The following FGF12 variants were observed in gnomAD, a reference collection of about 807,000 sequenced individuals.
The protein encoded by FGF12 is fibroblast growth factor 12.
In FGF12, 14 loss-of-function variants were observed where a neutral mutation model predicts 23.6. That is an observed-to-expected ratio of 0.59 (90% confidence interval 0.39 to 0.93). The LOEUF (loss-of-function observed/expected upper bound fraction) is 0.93. FGF12 is among the 40% of genes least tolerant of loss of function. The pLI, the probability that FGF12 is intolerant of heterozygous loss-of-function variation, is 0.00. For missense variants in FGF12, 175 were observed against 217.8 expected (o/e 0.80, Z 1.24); for synonymous variants, 62 against 77.3 (o/e 0.80, Z 1.04).
intron 2 of FGF12, among the ~76,000 whole-genome samples, chr3:192,452,754 C>T (rs1018574605): frequency 2.0e-5 from 3 of 152,156 alleles, no homozygotes; most frequent in Admixed American, 6.5e-5. Flanking sequence ...AGTATTGCTC[C>T]GGTCTTTCAG....
chr3:192,315,053 T>C (rs887499870), intron 4 of FGF12, among the ~76,000 whole-genome samples: 2 of 152,226 alleles, frequency 1.3e-5, no homozygotes, highest in Admixed American at 1.3e-4. Flanking sequence ...TTCATTTCAG[T>C]TGTAGCTGGC....
At chr3:192,160,307 C>T (rs1026543630) in intron 5 of FGF12, among the ~76,000 whole-genome samples, 7 of 152,140 alleles carry the variant, frequency 4.6e-5, no homozygotes, top group Non-Finnish European at 1.0e-4. Context: ...TTTCCTTTCT[C>T]TCTAAGTTCA....
chr3:192,655,422 T>C (rs941992222), intron 2 of FGF12, among the ~76,000 whole-genome samples: 7 of 152,304 alleles, frequency 4.6e-5, no homozygotes, highest in Admixed American at 4.6e-4. Context: ...CAGACATCTT[T>C]AGACCATGAC....
chr3:192,327,695 A>C (rs1716893082), intron 4 of FGF12, among the ~76,000 whole-genome samples: 1 of 151,974 alleles, frequency 6.6e-6, no homozygotes, highest in Non-Finnish European at 1.5e-5. Context: ...GACATGTTTC[A>C]AATTATACAA....
intron 4 of FGF12, among the ~76,000 whole-genome samples, chr3:192,314,201 G>A (rs1214002569): frequency 6.6e-6 from 1 of 152,004 alleles, no homozygotes; most frequent in Non-Finnish European, 1.5e-5. Context: ...ACCAGTCTGT[G>A]ATAATTTGTC....
At chr3:192,286,443 G>C (rs1033875321) in intron 4 of FGF12, among the ~76,000 whole-genome samples, 2 of 152,012 alleles carry the variant, frequency 1.3e-5, no homozygotes, top group Non-Finnish European at 2.9e-5. Flanking sequence ...CCAGAAATCT[G>C]TACCCTCTTT....
At chr3:192,193,506 T>C (rs2108651127) in intron 4 of FGF12, among the ~76,000 whole-genome samples, 1 of 152,330 alleles carries the variant, frequency 6.6e-6, no homozygotes. Flanking sequence ...CAGCTTCCTT[T>C]ATCAGCAGCC....
intron 2 of FGF12, among the ~76,000 whole-genome samples, chr3:192,584,821 T>C (rs1402550905): frequency 2.0e-5 from 3 of 152,094 alleles, no homozygotes; most frequent in Non-Finnish European, 4.4e-5. Flanking sequence ...TGGGCTTTTA[T>C]GCAATGTTGC....
At chr3:192,646,854 CT>C (rs1716024445) in intron 2 of FGF12, among the ~76,000 whole-genome samples, 1 of 152,016 alleles carries the variant, frequency 6.6e-6, no homozygotes, top group Non-Finnish European at 1.5e-5. Context: ...AATGGGTAAA[CT>C]TTACGGTATG....
intron 3 of FGF12, among the ~76,000 whole-genome samples, chr3:192,348,317 C>CTAGA (rs1381258086): frequency 2.0e-5 from 3 of 152,118 alleles, no homozygotes; most frequent in Non-Finnish European, 4.4e-5. Flanking sequence ...CAGTACCACT[C>CTAGA]TATCTAGGCT....
intron 4 of FGF12, among the ~76,000 whole-genome samples, chr3:192,205,611 G>A (rs1244663409): frequency 6.6e-6 from 1 of 152,186 alleles, no homozygotes; most frequent in African/African-American, 2.4e-5. Flanking sequence ...CAGTAGTCCT[G>A]TTGGTGTAGG....
intron 2 of FGF12, among the ~76,000 whole-genome samples, chr3:192,475,531 A>G (rs1723294002): frequency 1.3e-5 from 2 of 152,240 alleles, no homozygotes; most frequent in African/African-American, 4.8e-5. Context: ...ACTGAAATAA[A>G]TACAGAAAAT....
intron 2 of FGF12, among the ~76,000 whole-genome samples, chr3:192,463,028 T>C (rs1356632678): frequency 6.6e-6 from 1 of 152,208 alleles, no homozygotes; most frequent in Non-Finnish European, 1.5e-5. Flanking sequence ...ACTGTAGTTA[T>C]AATAAATCCC....
chr3:192,607,435 A>C (rs142644690), intron 2 of FGF12, among the ~76,000 whole-genome samples: 223 of 152,284 alleles, frequency 1.5e-3, no homozygotes, highest in Non-Finnish European at 2.7e-3. Flanking sequence ...CAGGGGTGTC[A>C]GACTTGAGTT....
chr3:192,420,193 A>G (rs145455134), intron 2 of FGF12, among the ~76,000 whole-genome samples: 1,648 of 152,264 alleles, frequency 0.011, 12 homozygotes, highest in Middle Eastern at 0.031. Context: ...GAACCAAAGG[A>G]AAATGGTCGG....
chr3:192,589,834 G>A (rs1713548741), intron 2 of FGF12, among the ~76,000 whole-genome samples: 1 of 151,884 alleles, frequency 6.6e-6, no homozygotes, highest in Non-Finnish European at 1.5e-5. Flanking sequence ...ACGGTAGGAG[G>A]ACTTTTCAGA....
At chr3:192,193,665 T>G (rs1716916431) in intron 4 of FGF12, among the ~76,000 whole-genome samples, 1 of 152,206 alleles carries the variant, frequency 6.6e-6, no homozygotes, top group Non-Finnish European at 1.5e-5. Flanking sequence ...ATCTTCCATT[T>G]TCAACATCAC....
At chr3:192,631,373 T>C (rs1293717455) in intron 2 of FGF12, among the ~76,000 whole-genome samples, 1 of 152,224 alleles carries the variant, frequency 6.6e-6, no homozygotes, top group Non-Finnish European at 1.5e-5. Context: ...GAACGTAATG[T>C]CACTTCATCC....
intron 2 of FGF12, among the ~76,000 whole-genome samples, chr3:192,523,305 C>A (rs1226853285): frequency 6.6e-6 from 1 of 152,058 alleles, no homozygotes; most frequent in Non-Finnish European, 1.5e-5. Flanking sequence ...GATCATTATC[C>A]TCTAGGATGA....
Sources: gnomAD v4.1 joint callset for allele counts (sites outside exome capture counted in the v4.1 genomes callset) on GRCh38, gnomAD v4.1.1 for gene constraint, MANE v1.5 for transcripts, NCBI Gene and HGNC (gene_info 2026-07-23, HGNC 2026-07-21) for gene names.